The following MCPH1 variants were observed in gnomAD, a reference collection of about 807,000 sequenced individuals.
MCPH1 encodes microcephalin.
MCPH1 carries 104 observed loss-of-function variants against 84.5 expected under a neutral mutation model. The observed-to-expected ratio is 1.23, with a 90% CI of 1.05 to 1.45. The LOEUF is 1.45. Ranked by LOEUF, MCPH1 falls within the 40% of genes most tolerant of loss-of-function variation. The pLI, the probability that MCPH1 is intolerant of heterozygous loss-of-function variation, is 0.00. For synonymous variants in MCPH1, 514 were observed against 366.8 expected, an observed-to-expected ratio of 1.40 and a Z score of -4.58; for missense variants, 1,498 against 1,005.7, an observed-to-expected ratio of 1.49 and a Z score of -6.62.
chr8:6,533,569 CTTTTTTT>C (rs56882906), intron 12 of MCPH1, among the ~76,000 whole-genome samples: 38 of 113,352 alleles, frequency 3.4e-4, no homozygotes, highest in African/African-American at 5.0e-4. Flanking sequence ...CGTTTAGTTT[CTTTTTTT>C]TTTTTTTTTT....
chr8:6,593,891 C>T (rs920646587), intron 12 of MCPH1, among the ~76,000 whole-genome samples: 6 of 152,182 alleles, frequency 3.9e-5, no homozygotes, highest in Non-Finnish European at 8.8e-5. Flanking sequence ...CCTTCTTATG[C>T]AAAAGTGGCC....
At chr8:6,410,573 A>G (rs1464080254) in intron 2 of MCPH1, among the ~76,000 whole-genome samples, 3 of 152,216 alleles carry the variant, frequency 2.0e-5, no homozygotes, top group African/African-American at 7.2e-5. Flanking sequence ...ATTTGACTTA[A>G]TAATGTCCTT....
At chr8:6,516,923 G>C (rs1472418975) in intron 12 of MCPH1, among the ~76,000 whole-genome samples, 1 of 152,132 alleles carries the variant, frequency 6.6e-6, no homozygotes, top group East Asian at 1.9e-4. Context: ...TAAATGATTT[G>C]AGCCATATGA....
At chr8:6,559,907 C>A (rs1286090636) in intron 12 of MCPH1, among the ~76,000 whole-genome samples, 1 of 152,190 alleles carries the variant, frequency 6.6e-6, no homozygotes, top group Non-Finnish European at 1.5e-5. Context: ...GTAAGCTGTC[C>A]TGTATTGTTC....
At chr8:6,464,824 C>G (rs1289500272) in intron 9 of MCPH1, among the ~76,000 whole-genome samples, 1 of 152,122 alleles carries the variant, frequency 6.6e-6, no homozygotes, top group Non-Finnish European at 1.5e-5. Flanking sequence ...ATGGGAAAAC[C>G]CTGTGTCTAC....
intron 12 of MCPH1, among the ~76,000 whole-genome samples, chr8:6,506,015 A>T (rs900035103): frequency 1.0e-4 from 15 of 144,840 alleles, no homozygotes; most frequent in Admixed American, 7.0e-5. Context: ...TTATATATGT[A>T]TATATATAAA....
chr8:6,513,335 C>CTT (rs1189719867), intron 12 of MCPH1, among the ~76,000 whole-genome samples: 8 of 143,220 alleles, frequency 5.6e-5, no homozygotes, highest in East Asian at 4.1e-4. Flanking sequence ...TTTTCTTTTT[C>CTT]TTTTTTTTTT....
intron 12 of MCPH1, among the ~76,000 whole-genome samples, chr8:6,586,117 T>C (rs1827960115): frequency 6.6e-6 from 1 of 152,150 alleles, no homozygotes; most frequent in Non-Finnish European, 1.5e-5. Flanking sequence ...TGTGCCACCA[T>C]GCCCACGCTT....
At chr8:6,640,168 G>C (rs557438801) in intron 13 of MCPH1, among the ~76,000 whole-genome samples, 2 of 151,554 alleles carry the variant, frequency 1.3e-5, no homozygotes. Flanking sequence ...TCAATTTTAA[G>C]AGATTTTCTT....
rs564395793 is a variant in MCPH1 at position 6,496,710 on chromosome 8, C to G, written c.2137-3142C>G. ...TATGACTAACAGTAATGTTGCCTAT[C>G]AAAAATTGTGAATGTTAATAAATGT... On this transcript the variant is annotated intron_variant, in intron 11 of 13. Transcript: ENST00000344683. Among the ~76,000 whole-genome samples the G allele has an allele frequency of 7.4e-4, 112 of 152,214 alleles. 1 individual carries two copies. In the South Asian group the frequency reaches 0.014, roughly 19 times the overall value.
intron 12 of MCPH1, among the ~76,000 whole-genome samples, chr8:6,545,016 A>G (rs1822305680): frequency 6.6e-6 from 1 of 152,200 alleles, no homozygotes; most frequent in Admixed American, 6.5e-5. Flanking sequence ...TTTAACAAAT[A>G]ACATAATAGA....
At chr8:6,638,981 G>T (rs145602572) in intron 13 of MCPH1, among the ~76,000 whole-genome samples, 1 of 152,328 alleles carries the variant, frequency 6.6e-6, no homozygotes, top group Admixed American at 6.5e-5. Flanking sequence ...CAGAAGTCCA[G>T]TGTAATTCCT....
At chr8:6,555,088 T>G (rs903961742) in intron 12 of MCPH1, among the ~76,000 whole-genome samples, 3 of 152,162 alleles carry the variant, frequency 2.0e-5, no homozygotes, top group Non-Finnish European at 4.4e-5. Flanking sequence ...TTCATACTGG[T>G]ATTCTAAACC....
At position 6,445,418 on chromosome 8, in the gene MCPH1, A is replaced by T; in HGVS notation, c.1696A>T (p.Thr566Ser). Residue 566 changes from threonine (T) to serine (S), a missense_variant, in exon 8 of 14, where the codon ACC (threonine) becomes TCC (serine). Coordinates refer to ENST00000344683, the MANE Select transcript of MCPH1 (RefSeq NM_024596.5). Reference sequence around the variant, plus strand: ...TCTGAAAAGCACACAGAACAAAGGTACCACTTCCAAAATATCAAACTCCTC... The same window carrying T: ...TCTGAAAAGCACACAGAACAAAGGTTCCACTTCCAAAATATCAAACTCCTC... ...VGLKSTQNKGTTSKISNSSEG... is the reference protein window; with the variant it reads ...VGLKSTQNKGSTSKISNSSEG... 2 of 1,614,246 alleles carry T rather than the reference A, an allele frequency of 1.2e-6. No homozygotes were observed. Among genetic ancestry groups the T allele is most frequent in the Non-Finnish European group, 1.7e-6 (2 of 1,180,050 alleles).
At chr8:6,416,854 C>G (rs970816043) in intron 3 of MCPH1, among the ~76,000 whole-genome samples, 1 of 151,988 alleles carries the variant, frequency 6.6e-6, no homozygotes, top group African/African-American at 2.4e-5. Flanking sequence ...ATTAGCCAGT[C>G]ATGTTGGCGT....
chr8:6,446,281 G>A, intron 8 of MCPH1: 1 of 985,130 alleles, frequency 1.0e-6, no homozygotes, highest in Non-Finnish European at 1.2e-6. Context: ...CAAAATTGAA[G>A]AAATCTTGAA....
chr8:6,452,847 A>C (rs966979919), intron 8 of MCPH1, among the ~76,000 whole-genome samples: 1 of 152,226 alleles, frequency 6.6e-6, no homozygotes, highest in South Asian at 2.1e-4. Context: ...CCAGCCGAAG[A>C]AGACAGACAT....
intron 12 of MCPH1, among the ~76,000 whole-genome samples, chr8:6,535,304 G>T (rs1820281988): frequency 6.6e-6 from 1 of 152,100 alleles, no homozygotes; most frequent in Non-Finnish European, 1.5e-5. Context: ...GTTTATAATT[G>T]AAAACTTAAA....
rs1563233812 is a variant in MCPH1, at chr8:6,455,210, C to A, written c.1893C>A (p.Ile631=). Residue 631 remains isoleucine, a synonymous_variant, in exon 9 of 14, where the codon ATC becomes ATA. Coordinates refer to ENST00000344683, the MANE Select transcript of MCPH1 (RefSeq NM_024596.5). ...CATGTGACGGCTTTAAGGACCTCAT[C>A]AAACCTCATGAGGAATTGAAGAAAA... ...DDSCDGFKDL[I]KPHEELKKSG... is the part of the protein sequence containing the mutation. 3 of 1,613,936 alleles carry A rather than the reference C, an allele frequency of 1.9e-6. No individual in the cohort carries two copies. The highest frequency in any genetic ancestry group is 2.5e-6 in the Non-Finnish European group (3 of 1,179,886).
Sources: allele counts gnomAD v4.1 joint callset (sites outside exome capture counted in the v4.1 genomes callset), GRCh38; gene constraint gnomAD v4.1.1; transcripts MANE v1.5; gene names NCBI Gene and HGNC (gene_info 2026-07-23, HGNC 2026-07-21).